The following PTPRA variants were observed in gnomAD, a reference collection of about 807,000 sequenced individuals.
PTPRA encodes the protein protein tyrosine phosphatase receptor type A, also known as receptor-type tyrosine-protein phosphatase alpha.
Under a neutral mutation model 104.8 loss-of-function variants are expected in PTPRA, and 25 were observed. The observed-to-expected ratio is 0.24, with a 90% confidence interval of 0.17 to 0.33. The LOEUF is 0.33. Among genes scored for constraint, PTPRA ranks in the 10% least tolerant of loss-of-function variants. The pLI is 1.00. For synonymous variants in PTPRA, 323 were observed against 368.9 expected (o/e 0.88, Z 1.43); for missense variants, 765 against 1,015.3 (o/e 0.75, Z 3.35).
intron 3 of PTPRA, among the ~76,000 whole-genome samples, chr20:2,957,101 C>G (rs909780881): frequency 6.6e-6 from 1 of 152,084 alleles, no homozygotes; most frequent in Non-Finnish European, 1.5e-5. Context: ...CTGGCCAACA[C>G]AGTGAAACCC....
chr20:2,915,676 A>G (rs907054893), intron 1 of PTPRA, among the ~76,000 whole-genome samples: 6 of 152,156 alleles, frequency 3.9e-5, no homozygotes, highest in African/African-American at 9.7e-5. Context: ...AGATTTACCT[A>G]TGTTTTCTTC....
intron 1 of PTPRA, among the ~76,000 whole-genome samples, chr20:2,909,847 A>C (rs1004335053): frequency 2.3e-5 from 3 of 131,156 alleles, no homozygotes; most frequent in Non-Finnish European, 4.6e-5. Flanking sequence ...ATATAATATA[A>C]GATAATATAT....
Position 2,996,336 on chromosome 20 carries a change from A to G in PTPRA, c.738+7862A>G, listed in dbSNP as rs570486434. Among the ~76,000 whole-genome samples, 4 of 152,306 alleles carry G rather than the reference A, an allele frequency of 2.6e-5. No individual in the cohort carries two copies. In the South Asian group the frequency reaches 8.3e-4, roughly 32 times the overall value. The stretch of plus-strand genomic sequence containing the variant: ...GAGAGAATCTGATTGGCTCAGTATC[A>G]GTCAGGTATGACTGTGTTTGGATCA... On this transcript the variant is annotated intron_variant, in intron 9 of 23. Coordinates refer to ENST00000399903, the MANE Select transcript of PTPRA (RefSeq NM_001385305.1).
At position 3,031,771 on chromosome 20, in the gene PTPRA, C is replaced by CTTTG. The variant is rs1463227221; in HGVS notation, c.1921-3813_1921-3812insTTGT. 8.0e-5 allele frequency among the ~76,000 whole-genome samples: 7 copies of CTTTG among 87,018 alleles called. No individual in the cohort carries two copies. In the East Asian group the frequency reaches 3.8e-3, roughly 47 times the overall value. The allele number at this position is 87,018 out of a possible 152,430, so 57.1% of individuals were successfully genotyped here. A position where few individuals can be genotyped will look rare whatever the true frequency, so the allele number is the denominator to read the frequency against. On this transcript the variant is annotated intron_variant, in intron 20 of 23. Coordinates refer to ENST00000399903, the MANE Select transcript of PTPRA (RefSeq NM_001385305.1). ...GAACATGTCCTCACCTTCCTCCTTA[C>CTTTG]TCTGTGTGTTTTTGAGTTCTGTTTT...
intron 1 of PTPRA, among the ~76,000 whole-genome samples, chr20:2,915,714 G>A (rs1328621308): frequency 3.9e-5 from 6 of 152,134 alleles, no homozygotes; most frequent in African/African-American, 1.2e-4. Flanking sequence ...TAGACCAAGC[G>A]CGGTGGCTCA....
chr20:2,945,758 G>T (rs1176059348), intron 2 of PTPRA, among the ~76,000 whole-genome samples: 1 of 151,836 alleles, frequency 6.6e-6, no homozygotes, highest in Non-Finnish European at 1.5e-5. Flanking sequence ...GTGAAACCCT[G>T]TCTCTTCTGA....
At chr20:3,027,064 A>C in intron 18 of PTPRA, 57 bp from the exon 19 acceptor site, 1 of 1,565,404 alleles carries the variant, frequency 6.4e-7, no homozygotes, top group Non-Finnish European at 8.8e-7. Flanking sequence ...GAGCAATGCA[A>C]GGAGAGGGAG....
At chr20:2,952,983 T>C (rs2147814062) in intron 3 of PTPRA, among the ~76,000 whole-genome samples, 1 of 152,294 alleles carries the variant, frequency 6.6e-6, no homozygotes, top group African/African-American at 2.4e-5. Flanking sequence ...TTCCTCCTTT[T>C]GGCTATTGTG....
chr20:2,944,495 C>A (rs2061051155), intron 2 of PTPRA, among the ~76,000 whole-genome samples: 1 of 152,208 alleles, frequency 6.6e-6, no homozygotes, highest in Non-Finnish European at 1.5e-5. Flanking sequence ...AAGCTTCTCA[C>A]ATTATGACAG....
At chr20:2,976,195 G>T (rs2062424983) in intron 6 of PTPRA, among the ~76,000 whole-genome samples, 1 of 152,072 alleles carries the variant, frequency 6.6e-6, no homozygotes, top group African/African-American at 2.4e-5. Context: ...CCTAAACTTG[G>T]GAACTAAACA....
At chr20:3,010,590 C>T (rs1406657192) in intron 11 of PTPRA, among the ~76,000 whole-genome samples, 4 of 151,798 alleles carry the variant, frequency 2.6e-5, no homozygotes, top group Admixed American at 1.3e-4. Flanking sequence ...ATCACGCCAC[C>T]GCACTCCAGC....
intron 13 of PTPRA, among the ~76,000 whole-genome samples, chr20:3,020,178 G>A (rs1008100193): frequency 2.0e-5 from 3 of 152,156 alleles, no homozygotes; most frequent in African/African-American, 7.2e-5. Flanking sequence ...GTGCCATCTC[G>A]GCTCACTGCA....
chr20:3,013,861 T>C (rs567699028), intron 11 of PTPRA, among the ~76,000 whole-genome samples: 1 of 152,244 alleles, frequency 6.6e-6, no homozygotes, highest in Non-Finnish European at 1.5e-5. Flanking sequence ...GAACACAAGA[T>C]CAGTGGCTTT....
intron 1 of PTPRA, among the ~76,000 whole-genome samples, chr20:2,908,694 A>G (rs535610697): frequency 6.6e-4 from 100 of 152,096 alleles, no homozygotes; most frequent in Non-Finnish European, 1.3e-3. Context: ...GGAGTTCAAG[A>G]CCAGCCTTGG....
chr20:2,869,375 G>A (rs1176129293), upstream of PTPRA, among the ~76,000 whole-genome samples: 1 of 152,036 alleles, frequency 6.6e-6, no homozygotes, highest in South Asian at 2.1e-4. Flanking sequence ...GCAATCCACA[G>A]ATCTTAAATG....
At chr20:3,006,601 T>C (rs926807439) in intron 10 of PTPRA, among the ~76,000 whole-genome samples, 2 of 152,192 alleles carry the variant, frequency 1.3e-5, no homozygotes, top group African/African-American at 4.8e-5. Flanking sequence ...AACCAAAAAA[T>C]TAGGACCACT....
At position 2,907,827 on chromosome 20, in the gene PTPRA, A is replaced by G. The variant is rs1022562204; in HGVS notation, c.-128-15380A>G. Among the ~76,000 whole-genome samples the G allele has an allele frequency of 2.6e-5, 4 of 152,212 alleles. No homozygotes were observed. In the South Asian group the frequency reaches 8.3e-4, roughly 32 times the overall value. ...AATTGCCTTGGTTTTTTTTTTAAAC[A>G]GATTATTGATCTTGCTCCTAATATT... On this transcript the variant is annotated intron_variant, in intron 1 of 23. Transcript: ENST00000399903.
intron 10 of PTPRA, among the ~76,000 whole-genome samples, chr20:3,006,362 A>G (rs1360778327): frequency 2.0e-5 from 3 of 151,344 alleles, no homozygotes; most frequent in Non-Finnish European, 4.4e-5. Flanking sequence ...ATTATTTTTT[A>G]GACACAGGGT....
chr20:2,952,559 A>G (rs2061389279), intron 3 of PTPRA, among the ~76,000 whole-genome samples: 1 of 152,178 alleles, frequency 6.6e-6, no homozygotes, highest in Non-Finnish European at 1.5e-5. Flanking sequence ...TAGTTAAAAT[A>G]TACACATAAT....
Sources: gnomAD v4.1 joint callset for allele counts (sites outside exome capture counted in the v4.1 genomes callset) on GRCh38, gnomAD v4.1.1 for gene constraint, MANE v1.5 for transcripts, NCBI Gene and HGNC (gene_info 2026-07-23, HGNC 2026-07-21) for gene names.